Variants in PSMA1 observed in about 807,000 individuals in gnomAD.
PSMA1 encodes the protein proteasome 20S subunit alpha 1, also known as proteasome subunit alpha type-1.
A neutral mutation model predicts 38.4 loss-of-function variants in PSMA1; 3 were observed. The ratio of observed to expected loss-of-function variants is 0.08; its 90% CI spans 0.04 to 0.20. The LOEUF is 0.20. Among genes scored for constraint, PSMA1 ranks in the 10% least tolerant of loss-of-function variants. PSMA1 has a pLI of 1.00. For missense variants in PSMA1, 227 were observed against 325.3 expected, an observed-to-expected ratio of 0.70 and a Z score of 2.32; for synonymous variants, 101 against 107.1, an observed-to-expected ratio of 0.94 and a Z score of 0.35.
chr11:14,633,308 G>C (rs900487391), intron 1 of PSMA1, among the ~76,000 whole-genome samples: 1 of 152,148 alleles, frequency 6.6e-6, no homozygotes, highest in Non-Finnish European at 1.5e-5. Flanking sequence ...ATGTACAGAT[G>C]GGTTTTTGGT....
chr11:14,592,263 C>T (rs375753561), intron 2 of PSMA1, among the ~76,000 whole-genome samples: 4 of 152,132 alleles, frequency 2.6e-5, no homozygotes, highest in East Asian at 1.9e-4. Context: ...CCACCAATTC[C>T]GGACACACCA....
exon 2 of PSMA1, chr11:14,611,051 A>G: frequency 6.4e-7 from 1 of 1,555,328 alleles, no homozygotes; most frequent in South Asian, 1.1e-5. Flanking sequence ...TTGACTTGTC[A>G]TTGTCTTTTC....
At chr11:14,546,657 C>T (rs181976670) in intron 2 of PSMA1, among the ~76,000 whole-genome samples, 41 of 152,210 alleles carry the variant, frequency 2.7e-4, no homozygotes, top group African/African-American at 8.7e-4. Context: ...AGGCTGGTCT[C>T]GAACTCCTGA....
chr11:14,518,043 G>T, intron 2 of PSMA1, 62 bp from the exon 3 acceptor site: 1 of 1,261,108 alleles, frequency 7.9e-7, no homozygotes, highest in Non-Finnish European at 1.1e-6. Context: ...TAAAAATTAG[G>T]GTTTTCAAAT....
chr11:14,579,167 C>G (rs987434791), intron 2 of PSMA1, among the ~76,000 whole-genome samples: 3 of 152,192 alleles, frequency 2.0e-5, no homozygotes, highest in African/African-American at 7.2e-5. Flanking sequence ...CTACAAACCT[C>G]GTGACTTAAA....
At chr11:14,574,117 A>C (rs376301745) in intron 2 of PSMA1, among the ~76,000 whole-genome samples, 3 of 152,324 alleles carry the variant, frequency 2.0e-5, no homozygotes, top group African/African-American at 7.2e-5. Flanking sequence ...GTAGAAAAGA[A>C]ACACCCATTT....
rs915723227 is a variant in PSMA1 at position 14,583,396 on chromosome 11, A to G, written c.21+27570T>C. Among the ~76,000 whole-genome samples, 4 of 152,160 alleles carry G rather than the reference A, an allele frequency of 2.6e-5. No individual in the cohort carries two copies. The East Asian group carries it at 7.7e-4, about 29-fold the overall frequency. On this transcript the variant is annotated intron_variant, in intron 2 of 10. Transcript: ENST00000418988. ...CATCTCTAAGCCGTGTACACTGGAG[A>G]TGCAGACGAGTGCCTTCAGGGCAAC...
chr11:14,592,376 CTATA>C (rs71044013), intron 2 of PSMA1, among the ~76,000 whole-genome samples: 58 of 122,382 alleles, frequency 4.7e-4, no homozygotes, highest in South Asian at 4.6e-3. Flanking sequence ...CTCTCTCTCT[CTATA>C]TATATATATA....
intron 1 of PSMA1, among the ~76,000 whole-genome samples, chr11:14,640,054 C>T (rs924120440): frequency 6.6e-6 from 1 of 151,970 alleles, no homozygotes; most frequent in East Asian, 1.9e-4. Flanking sequence ...TCCAGCACAC[C>T]GGGCACATAA....
rs1554971761 is a variant in PSMA1, at chr11:14,592,395, T to TA, written c.21+18570_21+18571insT. ...CTCTCTCTATATATATATATATATA[T>TA]TTTTTTTTTAGATGGAGTCTCGCTT... On this transcript the variant is annotated intron_variant, in intron 2 of 10. Coordinates refer to the PSMA1 transcript ENST00000418988. 6.9e-3 allele frequency among the ~76,000 whole-genome samples: 913 copies of TA among 132,476 alleles called. 6 individuals carry two copies. Among genetic ancestry groups the TA allele is most frequent in the African/African-American group, 0.015 (526 of 34,412 alleles). The allele number at this position is 132,476 out of a possible 152,430, so 86.9% of individuals were successfully genotyped here.
At chr11:14,633,879 A>T (rs373145931) in intron 1 of PSMA1, among the ~76,000 whole-genome samples, 1 of 152,120 alleles carries the variant, frequency 6.6e-6, no homozygotes, top group Non-Finnish European at 1.5e-5. Flanking sequence ...GCGCAGTATT[A>T]GGGTGGGAGT....
chr11:14,587,585 T>G (rs954240881), intron 2 of PSMA1, among the ~76,000 whole-genome samples: 10 of 145,002 alleles, frequency 6.9e-5, no homozygotes, highest in African/African-American at 2.0e-4. Context: ...GAAAGACCTG[T>G]TTTTTTTTTT....
At chr11:14,624,264 T>C (rs1309722385) in intron 1 of PSMA1, among the ~76,000 whole-genome samples, 1 of 152,188 alleles carries the variant, frequency 6.6e-6, no homozygotes, top group Non-Finnish European at 1.5e-5. Flanking sequence ...ATTATTCTTC[T>C]TCCTTTAGCT....
chr11:14,551,273 G>C (rs1487222629), intron 2 of PSMA1, among the ~76,000 whole-genome samples: 1 of 152,116 alleles, frequency 6.6e-6, no homozygotes, highest in African/African-American at 2.4e-5. Flanking sequence ...CCATTATCAG[G>C]ATGTGATGGG....
intron 2 of PSMA1, among the ~76,000 whole-genome samples, chr11:14,578,961 A>G (rs946209030): frequency 3.9e-5 from 6 of 152,158 alleles, no homozygotes; most frequent in African/African-American, 1.4e-4. Flanking sequence ...ATCTCATTGA[A>G]TCATCTCAAC....
intron 7 of PSMA1, among the ~76,000 whole-genome samples, chr11:14,511,707 C>G (rs1045845310): frequency 6.6e-6 from 1 of 152,200 alleles, no homozygotes; most frequent in African/African-American, 2.4e-5. Context: ...TCAATCTTAG[C>G]AGTGAATGAC....
At position 14,534,763 on chromosome 11, in the gene PSMA1, A is replaced by T. The variant is rs975457945; in HGVS notation, c.22-15722T>A. Among the ~76,000 whole-genome samples, 4 of 133,584 alleles carry T rather than the reference A, an allele frequency of 3.0e-5. No individual in the cohort carries two copies. Among genetic ancestry groups the T allele is most frequent in the South Asian group, 2.6e-4 (1 of 3,800 alleles). The allele number at this position is 133,584 out of a possible 152,430, so 87.6% of individuals were successfully genotyped here. On this transcript the variant is annotated intron_variant, in intron 2 of 10. Transcript: ENST00000418988. This position sits in a 1 kb window ranked among gnomAD's most constrained non-coding sequence, Gnocchi z 4.5. ...ACATCGTGTGTACATATGCATATTT[A>T]AAAAAATTAAAAAAACAAACAAACC...
At chr11:14,522,875 T>TATTTA (rs1306226256), upstream of PSMA1, among the ~76,000 whole-genome samples, 10 of 152,216 alleles carry the variant, frequency 6.6e-5, no homozygotes, top group Non-Finnish European at 1.0e-4. Flanking sequence ...CAACAGGGAA[T>TATTTA]CACATAAATA....
intron 2 of PSMA1, among the ~76,000 whole-genome samples, chr11:14,551,351 G>A (rs181263837): frequency 3.7e-4 from 56 of 152,202 alleles, no homozygotes; most frequent in African/African-American, 1.3e-3. Flanking sequence ...GAGTCCCTAC[G>A]TAATTTACTG....
Sources: gnomAD v4.1 joint callset for allele counts (sites outside exome capture counted in the v4.1 genomes callset) on GRCh38, gnomAD v4.1.1 for gene constraint, Gnocchi (gnomAD v3.1) non-coding constraint, MANE v1.5 for transcripts, NCBI Gene and HGNC (gene_info 2026-07-23, HGNC 2026-07-21) for gene names.